The following PRRX1 variants were observed in gnomAD, a reference collection of about 807,000 sequenced individuals.
The protein encoded by PRRX1 is paired related homeobox 1.
In PRRX1, 8 loss-of-function variants were observed where a neutral mutation model predicts 24.0. The observed-to-expected ratio is 0.33, with a 90% CI of 0.20 to 0.60. The LOEUF (loss-of-function observed/expected upper bound fraction) is 0.60. Among genes scored for constraint, PRRX1 ranks in the 20% least tolerant of loss-of-function variants. The probability of loss-of-function intolerance (pLI) is 0.82; values close to 1 mark genes in which losing one functional copy is unlikely to be tolerated. For missense variants in PRRX1, 281 were observed against 322.4 expected, an observed-to-expected ratio of 0.87 and a Z score of 0.98; for synonymous variants, 160 against 131.7, an observed-to-expected ratio of 1.22 and a Z score of -1.47.
intron 1 of PRRX1, among the ~76,000 whole-genome samples, chr1:170,691,758 T>C (rs972099518): frequency 3.3e-5 from 5 of 151,928 alleles, no homozygotes; most frequent in Non-Finnish European, 7.4e-5. Flanking sequence ...GTGACAAAGA[T>C]AGTATTGAAA....
At chr1:170,689,964 G>C (rs921327039) in intron 1 of PRRX1, among the ~76,000 whole-genome samples, 1 of 151,364 alleles carries the variant, frequency 6.6e-6, no homozygotes, top group African/African-American at 2.4e-5. Flanking sequence ...GTTCCATTTT[G>C]TCTGAGAAAG....
chr1:170,712,673 T>C (rs140572870), intron 1 of PRRX1, among the ~76,000 whole-genome samples: 1 of 152,210 alleles, frequency 6.6e-6, no homozygotes, highest in African/African-American at 2.4e-5. Flanking sequence ...AATTTTCAAA[T>C]GACCCCAGGA....
chr1:170,708,075 T>C (rs1258087823), intron 1 of PRRX1, among the ~76,000 whole-genome samples: 1 of 152,192 alleles, frequency 6.6e-6, no homozygotes, highest in African/African-American at 2.4e-5. Flanking sequence ...CTTTCCTTCA[T>C]CCTACTTTCT....
chr1:170,732,151 G>T (rs1394134124), intron 3 of PRRX1, among the ~76,000 whole-genome samples: 54 of 152,148 alleles, frequency 3.5e-4, no homozygotes, highest in Admixed American at 3.5e-3. Context: ...TTTTACCCGA[G>T]CAAGCTTAAT....
chr1:170,724,375 T>A (rs1655186328), intron 2 of PRRX1, among the ~76,000 whole-genome samples: 2 of 152,232 alleles, frequency 1.3e-5, no homozygotes, highest in Admixed American at 1.3e-4. Context: ...ATGTCCTGAA[T>A]GATATTGCCT....
At chr1:170,705,361 C>A (rs1654523462) in intron 1 of PRRX1, among the ~76,000 whole-genome samples, 2 of 152,196 alleles carry the variant, frequency 1.3e-5, no homozygotes, top group Non-Finnish European at 2.9e-5. Flanking sequence ...GGCCTCAGTG[C>A]AGCCTCAACC....
chr1:170,733,300 A>G (rs1655497310), intron 3 of PRRX1, among the ~76,000 whole-genome samples: 1 of 152,138 alleles, frequency 6.6e-6, no homozygotes, highest in African/African-American at 2.4e-5. Flanking sequence ...TCTTCAGTAA[A>G]CTAAAATAAT....
intron 1 of PRRX1, among the ~76,000 whole-genome samples, chr1:170,672,827 G>GATT (rs1653184193): frequency 6.6e-6 from 1 of 152,166 alleles, no homozygotes; most frequent in Non-Finnish European, 1.5e-5. Flanking sequence ...GGGATTGTTA[G>GATT]ATTTGGTTTG....
intron 2 of PRRX1, 144 bp downstream of exon 2, chr1:170,720,045 A>G: frequency 1.8e-6 from 2 of 1,111,824 alleles, no homozygotes; most frequent in Non-Finnish European, 1.3e-6. Context: ...AGGCAGGCAC[A>G]TTGCTTGAGC....
chr1:170,728,148 C>T (rs1054909975), intron 3 of PRRX1: 2 of 152,160 alleles, frequency 1.3e-5, no homozygotes, highest in East Asian at 1.9e-4. Flanking sequence ...ATGGCTGCCA[C>T]GTGGTCCTTA....
intron 2 of PRRX1, among the ~76,000 whole-genome samples, chr1:170,722,358 T>C (rs988843825): frequency 4.6e-5 from 7 of 152,216 alleles, no homozygotes; most frequent in Non-Finnish European, 1.5e-5. Flanking sequence ...TTGCAACATT[T>C]ATTTTTTTCT....
chr1:170,705,230 T>G (rs1326885551), intron 1 of PRRX1, among the ~76,000 whole-genome samples: 1 of 152,202 alleles, frequency 6.6e-6, no homozygotes, highest in Non-Finnish European at 1.5e-5. Flanking sequence ...ATCTGGCAAT[T>G]CACTTCACTA....
chr1:170,680,136 C>A (rs4656220), intron 1 of PRRX1, among the ~76,000 whole-genome samples: 2 of 151,734 alleles, frequency 1.3e-5, no homozygotes, highest in East Asian at 3.9e-4. Context: ...AGGTACGTTT[C>A]AGGGCTCTTG....
At chr1:170,720,019 G>A in intron 2 of PRRX1, 118 bp downstream of exon 2, 1 of 1,364,034 alleles carries the variant, frequency 7.3e-7, no homozygotes, top group Non-Finnish European at 1.0e-6. Context: ...TGCAATCTCA[G>A]CACGTTGGGA....
intron 1 of PRRX1, among the ~76,000 whole-genome samples, chr1:170,718,826 A>G (rs543822878): frequency 6.6e-6 from 1 of 152,162 alleles, no homozygotes; most frequent in Non-Finnish European, 1.5e-5. Context: ...TGGGGGCAGC[A>G]GGAGAGGAGC....
rs192304843 is a variant in PRRX1 at position 170,730,173 on chromosome 1, C to T, written c.599+3772C>T. On this transcript the variant is annotated intron_variant, in intron 3 of 3. Coordinates refer to ENST00000239461, the MANE Select transcript of PRRX1 (RefSeq NM_022716.4). ...GTCAGCTATCCTTGTCCACAGCTTC[C>T]CTCCCCATCCTTCTCCTCCCCTCAT... 53 of 976,140 alleles carry T rather than the reference C, an allele frequency of 5.4e-5. No individual in the cohort carries two copies. The Middle Eastern group carries it at 6.2e-4, about 11-fold the overall frequency. The allele number at this position is 976,140 out of a possible 1,614,324, so 60.5% of individuals were successfully genotyped here.
chr1:170,720,749 T>G (rs1223437091), intron 2 of PRRX1, among the ~76,000 whole-genome samples: 1 of 152,218 alleles, frequency 6.6e-6, no homozygotes, highest in African/African-American at 2.4e-5. Context: ...CTTCAGTGTC[T>G]CTGTGAACTG....
intron 1 of PRRX1, among the ~76,000 whole-genome samples, chr1:170,696,714 G>C (rs1260205245): frequency 1.3e-5 from 2 of 152,156 alleles, no homozygotes; most frequent in Non-Finnish European, 2.9e-5. Flanking sequence ...AATCTGCTTT[G>C]AGCTACTTTC....
intron 1 of PRRX1, among the ~76,000 whole-genome samples, chr1:170,689,199 T>A (rs1251519545): frequency 6.6e-6 from 1 of 152,132 alleles, no homozygotes; most frequent in Non-Finnish European, 1.5e-5. Context: ...TAAAAATGTA[T>A]GTTTACTCTC....
Sources: gnomAD v4.1 joint callset for allele counts (sites outside exome capture counted in the v4.1 genomes callset) on GRCh38, gnomAD v4.1.1 for gene constraint, MANE v1.5 for transcripts, NCBI Gene and HGNC (gene_info 2026-07-23, HGNC 2026-07-21) for gene names.